The following CHIC1 variants were observed in gnomAD, a reference collection of about 807,000 sequenced individuals.
CHIC1 encodes cysteine-rich hydrophobic domain-containing protein 1.
Under a neutral mutation model 18.5 loss-of-function variants are expected in CHIC1, and 7 were observed. The ratio of observed to expected loss-of-function variants is 0.38; its 90% CI spans 0.22 to 0.71. The LOEUF (loss-of-function observed/expected upper bound fraction) is 0.71. Ranked by LOEUF, CHIC1 falls within the 30% of genes least tolerant of loss-of-function variation. CHIC1 has a pLI of 0.49. For synonymous variants in CHIC1, 77 were observed against 73.5 expected (o/e 1.05, Z -0.25); for missense variants, 159 against 176.9 (o/e 0.90, Z 0.57).
At chrX:73,621,226 T>A (rs185019751) in intron 3 of CHIC1, among the ~76,000 whole-genome samples, 19 of 111,980 alleles carry the variant, frequency 1.7e-4, no homozygotes, top group Non-Finnish European at 2.6e-4. Context: ...TTTTCTCTGA[T>A]TTTATGAGGA....
At chrX:73,677,976 G>A (rs1218679613) in intron 3 of CHIC1, among the ~76,000 whole-genome samples, 1 of 103,175 alleles carries the variant, frequency 9.7e-6, no homozygotes, top group African/African-American at 3.6e-5. Flanking sequence ...AAATTATTGT[G>A]TCCTTTTGGA....
chrX:73,626,507 C>G (rs2057784281), intron 3 of CHIC1, among the ~76,000 whole-genome samples: 1 of 110,697 alleles, frequency 9.0e-6, no homozygotes, highest in African/African-American at 3.3e-5. Context: ...TTTTTCTCCT[C>G]TGACTGCATT....
intron 2 of CHIC1, among the ~76,000 whole-genome samples, chrX:73,579,378 T>A (rs2057515744): frequency 9.0e-6 from 1 of 110,865 alleles, no homozygotes; most frequent in South Asian, 3.7e-4. Flanking sequence ...AATGTTAGTT[T>A]GTAGTTGCAG....
chrX:73,563,294 C>T lies in CHIC1; in HGVS notation c.10C>T (p.Leu4=). 8.9e-7 allele frequency: 1 copy of T among 1,123,674 alleles called. No individual in the cohort carries two copies. Among genetic ancestry groups the T allele is most frequent in the Admixed American group, 2.9e-5 (1 of 34,561 alleles). 92.6% of individuals were successfully genotyped at this position (1,123,674 alleles called of 1,213,427 possible). The part of the protein sequence containing the change: MSI[L]LPNMAEFDTI... ...ATCGCGAGGTCACGTGATGAGCATC[C>T]TGCTGCCCAACATGGCGGAGTTCGA... Residue 4 remains leucine (L), a synonymous_variant, in exon 1 of 6, where the codon CTG becomes TTG. Coordinates refer to ENST00000373502, the MANE Select transcript of CHIC1 (RefSeq NM_001039840.4).
intron 5 of CHIC1, among the ~76,000 whole-genome samples, chrX:73,680,592 T>G (rs2058093877): frequency 9.0e-6 from 1 of 111,422 alleles, no homozygotes; most frequent in Non-Finnish European, 1.9e-5. Flanking sequence ...TTTTTTAATC[T>G]GTATAGCATT....
At position 73,658,696 on chromosome X, in the gene CHIC1, G is replaced by A. The variant is rs749570789; in HGVS notation, c.508-20630G>A. Among the ~76,000 whole-genome samples the A allele has an allele frequency of 6.3e-5, 7 of 110,677 alleles. No homozygotes were observed. The South Asian group carries it at 2.7e-3, about 43-fold the overall frequency. On this transcript the variant is annotated intron_variant, in intron 3 of 5. Transcript: ENST00000373502. Reference sequence around the variant, plus strand: ...ACTAAATTTGGCATGTTTGTTCTTGGTTCTCTAGTTCTTTTTGTTGTGATG... The same window carrying A: ...ACTAAATTTGGCATGTTTGTTCTTGATTCTCTAGTTCTTTTTGTTGTGATG...
chrX:73,643,363 G>A (rs768181520), intron 3 of CHIC1, among the ~76,000 whole-genome samples: 26 of 108,787 alleles, frequency 2.4e-4, no homozygotes, highest in African/African-American at 7.0e-4. Context: ...TGCTCTTCTC[G>A]AGGAGTATCT....
At chrX:73,655,460 G>GTATATATATACATATATACACAATAT (rs1183365780) in intron 3 of CHIC1, among the ~76,000 whole-genome samples, 3 of 39,855 alleles carry the variant, frequency 7.5e-5, no homozygotes, top group African/African-American at 2.3e-4. Flanking sequence ...ACACAATATT[G>GTATATATATACATATATACACAATAT]TGTATATATA....
chrX:73,591,341 A>G (rs771607108), intron 3 of CHIC1, among the ~76,000 whole-genome samples: 57 of 109,703 alleles, frequency 5.2e-4, no homozygotes, highest in African/African-American at 1.8e-3. Context: ...AAATTCCCTC[A>G]CTCACCAATT....
At position 73,638,871 on chromosome X, in the gene CHIC1, G is replaced by A. The variant is rs1438850360; in HGVS notation, c.508-40455G>A. On this transcript the variant is annotated intron_variant, in intron 3 of 5. Transcript: ENST00000373502. ...AAAGGACATGATCTTATTTTTTATG[G>A]CTGCATAGTATTCCATGGAGTATAT... Among the ~76,000 whole-genome samples the A allele has an allele frequency of 2.7e-5, 3 of 111,711 alleles. No individual in the cohort carries two copies. In the Admixed American group the frequency reaches 2.8e-4, roughly 11 times the overall value.
chrX:73,653,514 T>C (rs1002083207), intron 3 of CHIC1, among the ~76,000 whole-genome samples: 13 of 112,150 alleles, frequency 1.2e-4, no homozygotes, highest in South Asian at 1.1e-3. Flanking sequence ...CTTTGTTCTT[T>C]TTGTGCAAGA....
At chrX:73,586,515 A>T (rs1308197023) in intron 3 of CHIC1, among the ~76,000 whole-genome samples, 6 of 111,711 alleles carry the variant, frequency 5.4e-5, no homozygotes, top group Non-Finnish European at 1.1e-4. Context: ...AAATATAATT[A>T]AGAATTTTTA....
intron 3 of CHIC1, among the ~76,000 whole-genome samples, chrX:73,615,663 G>A (rs1329201072): frequency 9.0e-6 from 1 of 111,200 alleles, no homozygotes; most frequent in Admixed American, 9.5e-5. Context: ...GGGCACTTGG[G>A]GGGTGGGGTT....
intron 3 of CHIC1, among the ~76,000 whole-genome samples, chrX:73,632,592 T>C (rs991417116): frequency 3.6e-5 from 4 of 110,144 alleles, no homozygotes; most frequent in African/African-American, 1.3e-4. Context: ...TTTTCTCTCA[T>C]CTTTTGTGTG....
intron 3 of CHIC1, among the ~76,000 whole-genome samples, chrX:73,612,810 GT>G (rs1427187582): frequency 8.9e-6 from 1 of 112,031 alleles, no homozygotes; most frequent in Non-Finnish European, 1.9e-5. Flanking sequence ...TTCCATAAAT[GT>G]TTTTTAGATC....
chrX:73,662,983 C>T (rs2147619517), intron 3 of CHIC1, among the ~76,000 whole-genome samples: 1 of 111,783 alleles, frequency 8.9e-6, no homozygotes, highest in Admixed American at 9.5e-5. Context: ...GTGAAATTGG[C>T]GAGCTGGCCT....
At chrX:73,673,180 A>G (rs930070491) in intron 3 of CHIC1, among the ~76,000 whole-genome samples, 27 of 111,801 alleles carry the variant, frequency 2.4e-4, no homozygotes, top group African/African-American at 8.1e-4. Flanking sequence ...GTCAGGTAGC[A>G]TGATGCCTCC....
chrX:73,577,858 A>G (rs1603340036), intron 2 of CHIC1, among the ~76,000 whole-genome samples: 2 of 110,213 alleles, frequency 1.8e-5, no homozygotes, highest in South Asian at 7.5e-4. Context: ...GAAAATAATT[A>G]AATTTTTGAT....
intron 1 of CHIC1, among the ~76,000 whole-genome samples, chrX:73,574,710 G>T (rs1048719828): frequency 9.1e-6 from 1 of 110,469 alleles, no homozygotes; most frequent in African/African-American, 3.3e-5. Flanking sequence ...TATTTTGTGT[G>T]CTAGGTGTTC....
Sources: allele counts gnomAD v4.1 joint callset (sites outside exome capture counted in the v4.1 genomes callset), GRCh38; gene constraint gnomAD v4.1.1; transcripts MANE v1.5; gene names NCBI Gene and HGNC (gene_info 2026-07-23, HGNC 2026-07-21).